ADAMTSL1: variants seen among roughly 807,000 people sequenced by gnomAD.
The protein encoded by ADAMTSL1 is ADAMTS like 1.
In ADAMTSL1, 126 loss-of-function variants were observed where a neutral mutation model predicts 201.8. The observed-to-expected ratio is 0.62, with a 90% CI of 0.54 to 0.72. The LOEUF is 0.72. Among genes scored for constraint, ADAMTSL1 ranks in the 30% least tolerant of loss-of-function variants. ADAMTSL1 has a pLI of 0.00. For missense variants in ADAMTSL1, 2,679 were observed against 2,277.8 expected (o/e 1.18, Z -3.59); for synonymous variants, 1,121 against 903.4 (o/e 1.24, Z -4.32).
intron 1 of ADAMTSL1, among the ~76,000 whole-genome samples, chr9:18,125,840 T>C (rs998938785): frequency 3.3e-5 from 5 of 152,238 alleles, no homozygotes; most frequent in Non-Finnish European, 1.5e-5. Flanking sequence ...TTCTTCAAAG[T>C]CTTCCACGGA....
In ADAMTSL1 at chr9:18,267,038, A is replaced by G. The variant is rs141444377; in HGVS notation, c.207+103057A>G. Among the ~76,000 whole-genome samples, 642 of 152,238 alleles carry G rather than the reference A, an allele frequency of 4.2e-3. 5 individuals are homozygous for G. The highest frequency in any genetic ancestry group is 0.014 in the African/African-American group (601 of 41,558). On this transcript the variant is annotated intron_variant, in intron 2 of 29. Transcript: ENST00000680146. ...GCACATGAGCAAGATGTTCCACAAC[A>G]TCTTGCCACTACTTCATTTGATCTG...
intron 3 of ADAMTSL1, among the ~76,000 whole-genome samples, chr9:18,553,074 T>C (rs751701646): frequency 4.0e-5 from 6 of 151,596 alleles, no homozygotes; most frequent in African/African-American, 9.7e-5. Context: ...ATATTTGCTT[T>C]CTTCCATCTA....
intron 2 of ADAMTSL1, among the ~76,000 whole-genome samples, chr9:18,321,486 G>A (rs1184407808): frequency 6.6e-6 from 1 of 152,144 alleles, no homozygotes; most frequent in Non-Finnish European, 1.5e-5. Context: ...AGAGCATACA[G>A]CCAACAACTC....
At chr9:18,735,058 G>T (rs1818426559) in intron 15 of ADAMTSL1, among the ~76,000 whole-genome samples, 1 of 152,168 alleles carries the variant, frequency 6.6e-6, no homozygotes, top group African/African-American at 2.4e-5. Context: ...GACAACACTG[G>T]AACTTGAAGC....
At chr9:18,056,635 C>G (rs1421891381) in intron 1 of ADAMTSL1, among the ~76,000 whole-genome samples, 2 of 152,166 alleles carry the variant, frequency 1.3e-5, no homozygotes, top group African/African-American at 4.8e-5. Context: ...TTGAAAACTA[C>G]AAATCTCAAC....
chr9:18,031,858 G>A (rs1458089815), intron 1 of ADAMTSL1, among the ~76,000 whole-genome samples: 2 of 152,184 alleles, frequency 1.3e-5, no homozygotes, highest in African/African-American at 4.8e-5. Context: ...TGGGCTGTGG[G>A]ATATGTCTGT....
intron 15 of ADAMTSL1, among the ~76,000 whole-genome samples, chr9:18,741,745 G>T (rs149919813): frequency 6.6e-6 from 1 of 152,294 alleles, no homozygotes; most frequent in East Asian, 1.9e-4. Context: ...GCAATCTTTA[G>T]CATCTGTCAG....
Position 17,949,927 on chromosome 9 carries a change from C to T in ADAMTSL1, c.87+43005C>T, listed in dbSNP as rs75087723. On this transcript the variant is annotated intron_variant, in intron 1 of 29. Transcript: ENST00000680146. ...TTTGTTACATGCTGTTACCGTAGTG[C>T]TTTTTTTTTGAGACGGTGTCTGGCT... 7.9e-5 allele frequency among the ~76,000 whole-genome samples: 12 copies of T among 151,280 alleles called. No individual in the cohort carries two copies. The East Asian group carries it at 1.9e-3, about 25-fold the overall frequency.
At chr9:18,344,853 CCA>C (rs1327042603) in intron 2 of ADAMTSL1, among the ~76,000 whole-genome samples, 2 of 152,082 alleles carry the variant, frequency 1.3e-5, no homozygotes, top group African/African-American at 4.8e-5. Flanking sequence ...AGTTCAGAAC[CCA>C]TGGGGTTCTG....
chr9:18,795,304 C>A (rs181016288), intron 19 of ADAMTSL1, 93 bp from the exon 20 acceptor site: 18 of 1,525,052 alleles, frequency 1.2e-5, no homozygotes, highest in Non-Finnish European at 1.5e-5. Context: ...GTTCTGCATA[C>A]ACCCTGAGGT....
intron 2 of ADAMTSL1, among the ~76,000 whole-genome samples, chr9:18,422,453 T>C (rs897271173): frequency 6.7e-6 from 1 of 149,898 alleles, no homozygotes; most frequent in Non-Finnish European, 1.5e-5. Context: ...TGGGTTTTCA[T>C]GTGGTTTGTC....
chr9:18,008,753 T>G (rs2131550746), intron 1 of ADAMTSL1, among the ~76,000 whole-genome samples: 1 of 152,058 alleles, frequency 6.6e-6, no homozygotes, highest in Non-Finnish European at 1.5e-5. Context: ...TGGCCATCTC[T>G]AGTCACATGA....
intron 2 of ADAMTSL1, among the ~76,000 whole-genome samples, chr9:18,210,097 C>A (rs1440591851): frequency 6.6e-6 from 1 of 151,998 alleles, no homozygotes; most frequent in Non-Finnish European, 1.5e-5. Context: ...CCTTTTCTTT[C>A]CTTCACCAGC....
chr9:18,663,307 A>T (rs1368799032), intron 9 of ADAMTSL1, among the ~76,000 whole-genome samples: 1 of 152,148 alleles, frequency 6.6e-6, no homozygotes, highest in Non-Finnish European at 1.5e-5. Context: ...AAGAACAAAA[A>T]GAATAGATAT....
At chr9:18,012,222 G>C (rs1820081205) in intron 1 of ADAMTSL1, among the ~76,000 whole-genome samples, 1 of 151,998 alleles carries the variant, frequency 6.6e-6, no homozygotes, top group African/African-American at 2.4e-5. Flanking sequence ...AGTAGCTTTG[G>C]GAAGGGTGGT....
intron 5 of ADAMTSL1, among the ~76,000 whole-genome samples, chr9:18,629,267 C>T (rs1387843983): frequency 3.3e-5 from 5 of 151,866 alleles, no homozygotes; most frequent in Admixed American, 6.6e-5. Context: ...GTACTGGCTA[C>T]GCATGCAATA....
chr9:18,716,994 A>T lies in ADAMTSL1; in HGVS notation c.1877-4542A>T, dbSNP rs573013500. On this transcript the variant is annotated intron_variant, in intron 14 of 28. Transcript: ENST00000380548. ...TCAGTAAACTATCGCAAGAACAAAA[A>T]ACCAAACCGCATATTCTCACTCATA... Among the ~76,000 whole-genome samples, 160 of 132,994 alleles carry T rather than the reference A, an allele frequency of 1.2e-3. 5 individuals carry two copies. The highest frequency in any genetic ancestry group is 3.9e-3 in the African/African-American group (150 of 38,422). 87.2% of individuals were successfully genotyped at this position (132,994 alleles called of 152,430 possible).
intron 1 of ADAMTSL1, among the ~76,000 whole-genome samples, chr9:18,484,242 A>G (rs191585146): frequency 1.4e-4 from 21 of 152,344 alleles, no homozygotes; most frequent in African/African-American, 4.6e-4. Context: ...GGGGTGAGGA[A>G]GACAGGAATT....
Position 18,906,796 on chromosome 9 carries a change from C to G in ADAMTSL1, c.5066C>G (p.Ser1689Cys), listed in dbSNP as rs898245086. Residue 1689 changes from serine to cysteine, a missense_variant, in exon 28 of 29, where the codon TCC becomes TGC. Physicochemically the swap from Ser to Cys is moderately radical, Grantham distance 112 (BLOSUM62 -1). Coordinates refer to ENST00000380548, the MANE Select transcript of ADAMTSL1 (RefSeq NM_001040272.6). ...TATCGNYGFQ[S>C]RRVECVHART... ...ACCTGTGGCAACTACGGCTTCCAGT[C>G]CCGGCGTGTGGAGTGTGTGCATGCC... 5.0e-6 allele frequency: 8 copies of G among 1,613,888 alleles called. No individual in the cohort carries two copies. The highest frequency in any genetic ancestry group is 2.7e-5 in the African/African-American group (2 of 74,924).
Sources: gnomAD v4.1 joint callset for allele counts (sites outside exome capture counted in the v4.1 genomes callset) on GRCh38, gnomAD v4.1.1 for gene constraint, MANE v1.5 for transcripts, NCBI Gene and HGNC (gene_info 2026-07-23, HGNC 2026-07-21) for gene names.